CPVL: variants seen among roughly 807,000 people sequenced by gnomAD.
The protein encoded by CPVL is carboxypeptidase vitellogenic like, also known as probable serine carboxypeptidase CPVL.
In CPVL, 51 loss-of-function variants were observed where a neutral mutation model predicts 63.7. The observed-to-expected ratio is 0.80, with a 90% CI of 0.64 to 1.01. The LOEUF is 1.01. Among genes scored for constraint, CPVL ranks in the 50% least tolerant of loss-of-function variants. CPVL has a pLI of 0.00. For missense variants in CPVL, 530 were observed against 573.1 expected, an observed-to-expected ratio of 0.92 and a Z score of 0.77; for synonymous variants, 195 against 206.0, an observed-to-expected ratio of 0.95 and a Z score of 0.46.
At chr7:29,106,960 G>A (rs1368484396) in intron 3 of CPVL, among the ~76,000 whole-genome samples, 1 of 152,180 alleles carries the variant, frequency 6.6e-6, no homozygotes, top group Non-Finnish European at 1.5e-5. Context: ...CCCATAAACT[G>A]TGGTCAAGGA....
At chr7:29,090,556 CAGG>C (rs1336722898) in intron 6 of CPVL, among the ~76,000 whole-genome samples, 1 of 152,118 alleles carries the variant, frequency 6.6e-6, no homozygotes, top group Admixed American at 6.6e-5. Context: ...ACCAGGAGGG[CAGG>C]GGGTTTGAGG....
chr7:29,146,379 G>A, intron 1 of CPVL, 50 bp downstream of exon 1: 1 of 688,776 alleles, frequency 1.5e-6, no homozygotes, highest in South Asian at 2.2e-5. Context: ...CCGAGGCGAG[G>A]ACCTGTCCCG....
At chr7:29,090,422 T>A (rs1785648591) in intron 6 of CPVL, among the ~76,000 whole-genome samples, 1 of 152,224 alleles carries the variant, frequency 6.6e-6, no homozygotes, top group African/African-American at 2.4e-5. Flanking sequence ...TGCATTGCTA[T>A]GAAGCTTTGT....
intron 1 of CPVL, among the ~76,000 whole-genome samples, chr7:29,142,651 G>C (rs1792025177): frequency 6.6e-6 from 1 of 150,872 alleles, no homozygotes; most frequent in Non-Finnish European, 1.5e-5. Flanking sequence ...TCAGCCTCCT[G>C]AGTAGTTGGG....
intron 5 of CPVL, among the ~76,000 whole-genome samples, chr7:29,154,974 C>T (rs1263142508): frequency 6.6e-6 from 1 of 152,198 alleles, no homozygotes; most frequent in Non-Finnish European, 1.5e-5. Context: ...GAGCAAGTCA[C>T]ATCTTACATG....
intron 11 of CPVL, among the ~76,000 whole-genome samples, chr7:29,042,882 G>A (rs1789255438): frequency 1.3e-5 from 2 of 152,236 alleles, no homozygotes; most frequent in African/African-American, 4.8e-5. Context: ...CAGTGGACGG[G>A]GAGGCCCTAG....
chr7:29,107,001 T>A (rs1399063474), intron 3 of CPVL, among the ~76,000 whole-genome samples: 1 of 152,206 alleles, frequency 6.6e-6, no homozygotes, highest in Non-Finnish European at 1.5e-5. Flanking sequence ...TCAGAAGGAT[T>A]GACTGGTACT....
At chr7:29,146,313 T>G in intron 1 of CPVL, 116 bp downstream of exon 1, 1 of 420,900 alleles carries the variant, frequency 2.4e-6, no homozygotes, top group Non-Finnish European at 4.2e-6. Context: ...CTTTCTCCCC[T>G]GTTGGTGCTG....
At chr7:29,047,326 G>C (rs1367276128) in intron 11 of CPVL, among the ~76,000 whole-genome samples, 1 of 152,096 alleles carries the variant, frequency 6.6e-6, no homozygotes, top group African/African-American at 2.4e-5. Flanking sequence ...AAGGGAAATA[G>C]ATTGCATAAA....
At chr7:29,035,382 C>A (rs1788422672) in intron 11 of CPVL, among the ~76,000 whole-genome samples, 1 of 152,316 alleles carries the variant, frequency 6.6e-6, no homozygotes, top group Non-Finnish European at 1.5e-5. Flanking sequence ...TTTATTGACT[C>A]CCTGCAGCTA....
intron 9 of CPVL, among the ~76,000 whole-genome samples, chr7:29,070,748 G>A (rs553683741): frequency 1.3e-5 from 2 of 152,170 alleles, no homozygotes; most frequent in Non-Finnish European, 2.9e-5. Context: ...TTCACGGCAA[G>A]GGCGGTCACT....
intron 3 of CPVL, among the ~76,000 whole-genome samples, chr7:29,105,677 A>C (rs1050054570): frequency 4.6e-5 from 7 of 152,160 alleles, no homozygotes; most frequent in African/African-American, 1.7e-4. Flanking sequence ...TTTACTTGGA[A>C]ACATTCACCT....
intron 11 of CPVL, among the ~76,000 whole-genome samples, chr7:29,040,205 T>A (rs746139012): frequency 2.4e-4 from 37 of 152,336 alleles, no homozygotes; most frequent in Non-Finnish European, 4.1e-4. Flanking sequence ...AACTCTAATG[T>A]GGCCAGGAGT....
chr7:29,183,226 A>C (rs993969813), intron 4 of CPVL, among the ~76,000 whole-genome samples: 2 of 152,024 alleles, frequency 1.3e-5, no homozygotes, highest in Non-Finnish European at 2.9e-5. Context: ...CTGGGGTTAC[A>C]GGCATATGCC....
At chr7:29,049,055 C>G (rs1789901838) in intron 11 of CPVL, among the ~76,000 whole-genome samples, 1 of 151,942 alleles carries the variant, frequency 6.6e-6, no homozygotes, top group South Asian at 2.1e-4. Context: ...ACGCCTACAT[C>G]AAAAAGACTG....
intron 1 of CPVL, among the ~76,000 whole-genome samples, chr7:29,140,747 A>G (rs1296140874): frequency 2.0e-5 from 3 of 151,950 alleles, no homozygotes; most frequent in Non-Finnish European, 4.4e-5. Context: ...CTCTCCAAAG[A>G]CTCCCCAGGG....
At chr7:29,023,526 C>T (rs929077183) in intron 12 of CPVL, among the ~76,000 whole-genome samples, 6 of 152,136 alleles carry the variant, frequency 3.9e-5, no homozygotes, top group Non-Finnish European at 8.8e-5. Context: ...TGGGTAGGGA[C>T]TCAGCCAAAT....
intron 5 of CPVL, among the ~76,000 whole-genome samples, chr7:29,174,100 G>A (rs1285540185): frequency 1.7e-4 from 26 of 152,172 alleles, no homozygotes. Flanking sequence ...GTGCTCTTGA[G>A]GAAGACTAGG....
At chr7:29,042,310 T>C (rs771505009) in intron 11 of CPVL, among the ~76,000 whole-genome samples, 3 of 152,106 alleles carry the variant, frequency 2.0e-5, no homozygotes, top group Non-Finnish European at 4.4e-5. Context: ...GTTCAAAATA[T>C]AATAGTAATG....
Sources: gnomAD v4.1 joint callset for allele counts (sites outside exome capture counted in the v4.1 genomes callset) on GRCh38, gnomAD v4.1.1 for gene constraint, MANE v1.5 for transcripts, NCBI Gene and HGNC (gene_info 2026-07-23, HGNC 2026-07-21) for gene names.